Variants in MAMDC4 observed in about 807,000 individuals in gnomAD.
MAMDC4 encodes the protein apical endosomal glycoprotein.
A neutral mutation model predicts 153.3 loss-of-function variants in MAMDC4; 168 were observed. The observed-to-expected ratio is 1.10, with a 90% confidence interval of 0.97 to 1.25. MAMDC4 has a LOEUF of 1.25. Among genes scored for constraint, MAMDC4 ranks in the 50% most tolerant of loss-of-function variants. The pLI is 0.00. For synonymous variants in MAMDC4, 744 were observed against 651.5 expected (o/e 1.14, Z -2.16); for missense variants, 1,701 against 1,542.8 (o/e 1.10, Z -1.72).
chr9:136,858,967 A>G, intron 23 of MAMDC4, 38 bp from the exon 24 acceptor site: 1 of 1,510,006 alleles, frequency 6.6e-7, no homozygotes, highest in Non-Finnish European at 8.9e-7. Flanking sequence ...CAGGAGCCCC[A>G]GGACCCCAGG....
Position 136,853,992 on chromosome 9 carries a change from G to T in MAMDC4, c.586G>T (p.Val196Leu). Reference sequence around the variant, plus strand: ...GGTCCTAAGAGCCTGTTCTCTTCAGGTGACCTTCTCTGCCACCCGAAATGC... The same window carrying T: ...GGTCCTAAGAGCCTGTTCTCTTCAGTTGACCTTCTCTGCCACCCGAAATGC... ...TTGRIRGDFRVTFSATRNATH... is the reference protein window; with the variant it reads ...TTGRIRGDFRLTFSATRNATH... Residue 196 changes from valine to leucine, a missense_variant and splice_region_variant, in exon 6 of 27, where the codon GTG becomes TTG. Coordinates refer to ENST00000317446, the MANE Select transcript of MAMDC4 (RefSeq NM_206920.3). The T allele has an allele frequency of 6.2e-7, 1 of 1,612,932 alleles. No individual in the cohort carries two copies.
In MAMDC4 at chr9:136,854,689, G is replaced by GAGGACCCGGCCCAGGCCCTGCCCACGC; in HGVS notation, c.934+16_934+42dup. 1 of 1,611,296 alleles carries GAGGACCCGGCCCAGGCCCTGCCCACGC rather than the reference G, an allele frequency of 6.2e-7. No homozygotes were observed. ...AACAGTGCACAGGGTGAGGCCCACA[G>GAGGACCCGGCCCAGGCCCTGCCCACGC]AGGACCCGGCCCAGGCCCTGCCCAC... On this transcript the variant is annotated intron_variant, in intron 8 of 26. Transcript: ENST00000317446.
rs1849000938 is a variant in MAMDC4, at chr9:136,856,134, C to T, written c.1705C>T (p.Gln569Ter). The T allele has an allele frequency of 1.2e-6, 2 of 1,612,300 alleles. No individual in the cohort carries two copies. The change falls in exon 14 of 27, where the codon CAG becomes TAG. Residue 569 changes from glutamine to a stop codon, truncating the protein, a stop_gained. Transcript: ENST00000317446. LOFTEE classifies it high-confidence loss of function. ...TGAACTCCACCTGGCTTATTATTTA[C>T]AGAGCCAGCCCCGAGGTACCGCCAC... Reference protein sequence around the residue: ...SCELHLAYYLQSQPREVSCNF... With the variant: ...SCELHLAYYL
chr9:136,855,907 G>A (rs1848997731), intron 13 of MAMDC4, 59 bp downstream of exon 13: 2 of 1,494,684 alleles, frequency 1.3e-6, no homozygotes, highest in East Asian at 2.4e-5. Flanking sequence ...GTCCTCAGAG[G>A]GGTCTCTGCT....
At chr9:136,858,336 C>T (rs915501645) in intron 21 of MAMDC4, 60 bp downstream of exon 21, 16 of 1,600,028 alleles carry the variant, frequency 1.0e-5, no homozygotes, top group South Asian at 4.4e-5. Flanking sequence ...CCTTTCCCTT[C>T]GTAGTCGTGG....
chr9:136,855,468 G>C lies in MAMDC4; in HGVS notation c.1320G>C (p.Arg440=). The C allele has an allele frequency of 6.2e-7, 1 of 1,608,010 alleles. No individual in the cohort carries two copies. Among genetic ancestry groups the C allele is most frequent in the Non-Finnish European group, 8.5e-7 (1 of 1,177,832 alleles). Reference sequence around the variant, plus strand: ...TGCAGCCGCTGCCTCCTGGGCCCCGGGCCCCAGCCCCCCAGCCCCTGCCGC... The same window carrying C: ...TGCAGCCGCTGCCTCCTGGGCCCCGCGCCCCAGCCCCCCAGCCCCTGCCGC... ...STLQPLPPGP[R]APAPQPLPPS... Residue 440 remains arginine (R), a synonymous_variant, in exon 12 of 27, where the codon CGG becomes CGC. Coordinates refer to ENST00000317446, the MANE Select transcript of MAMDC4 (RefSeq NM_206920.3).
chr9:136,859,709 G>A, intron 25 of MAMDC4, 177 bp from the exon 26 acceptor site: 1 of 649,340 alleles, frequency 1.5e-6, no homozygotes, highest in Non-Finnish European at 2.6e-6. Context: ...GCAGACAGCA[G>A]CTGCCTGTCT....
intron 8 of MAMDC4, 38 bp downstream of exon 8, chr9:136,854,714 C>T (rs1018361678): frequency 1.9e-6 from 3 of 1,612,144 alleles, no homozygotes; most frequent in African/African-American, 1.3e-5. Context: ...GCCCTGCCCA[C>T]GCAGCCACAG....
intron 1 of MAMDC4, 88 bp from the exon 2 acceptor site, chr9:136,853,014 G>A (rs1276116526): frequency 1.8e-6 from 2 of 1,109,512 alleles, no homozygotes; most frequent in East Asian, 2.5e-5. Flanking sequence ...GACAAAAGAT[G>A]TCCAGTGCTA....
Position 136,858,478 on chromosome 9 carries a change from G to A in MAMDC4, c.2753G>A (p.Trp918Ter). Residue 918 changes from tryptophan (W) to a stop codon, truncating the protein, a stop_gained, in exon 22 of 27, where the codon TGG becomes TAG. Coordinates refer to ENST00000317446, the MANE Select transcript of MAMDC4 (RefSeq NM_206920.3). LOFTEE classifies it high-confidence loss of function. ...GGCCTGGGCGGATACAGCTGGGACT[G>A]GGGCGGGGGAGCCACCCCCTCTCGT... ...WPGLGGYSWDWGGGATPSRYP... is the reference protein window; with the variant it reads ...WPGLGGYSWD 6.2e-7 allele frequency: 1 copy of A among 1,608,858 alleles called. No homozygotes were observed. The highest frequency in any genetic ancestry group is 8.5e-7 in the Non-Finnish European group (1 of 1,179,236).
chr9:136,858,794 C>T lies in MAMDC4; in HGVS notation c.2897C>T (p.Pro966Leu), dbSNP rs116894068. 1.5e-3 allele frequency: 2,412 copies of T among 1,610,582 alleles called. 53 individuals carry two copies. In the East Asian group the frequency reaches 0.044, roughly 29 times the overall value. ...GCCTGGCTGCGCAGCGAGCCTCTGC[C>T]GGCCACCCCAGCCTCCTGCCTCCGC... ...RAAWLRSEPL[P>L]ATPASCLRFW... The change falls in exon 23 of 27, where the codon CCG (proline) becomes CTG (leucine). Residue 966 changes from proline (P) to leucine (L), a missense_variant. Pro to Leu is a moderately conservative substitution (Grantham distance 98, BLOSUM62 -3). Coordinates refer to ENST00000317446, the MANE Select transcript of MAMDC4 (RefSeq NM_206920.3).
At position 136,857,406 on chromosome 9, in the gene MAMDC4, A is replaced by G; in HGVS notation, c.2146A>G (p.Met716Val). The stretch of plus-strand genomic sequence containing the variant: ...CCTCCGGGACGGATACCACGGCACC[A>G]TGGCGCTGGACGATGTGGCCGTGCG... Reference protein sequence around the residue: ...EGLRDGYHGTMALDDVAVRPG... With the variant: ...EGLRDGYHGTVALDDVAVRPG... Residue 716 changes from methionine (M) to valine (V), a missense_variant, in exon 18 of 27, where the codon ATG becomes GTG. By Grantham distance (21) the Met-to-Val change is conservative. Transcript: ENST00000317446. 6.2e-7 allele frequency: 1 copy of G among 1,608,164 alleles called. No homozygotes were observed.
At chr9:136,856,864 G>A (rs370473173) in intron 15 of MAMDC4, 38 bp downstream of exon 15, 17 of 1,612,314 alleles carry the variant, frequency 1.1e-5, no homozygotes, top group African/African-American at 2.7e-5. Context: ...GCTTTCAGAC[G>A]AGAGTGGGGC....
chr9:136,858,404 C>G lies in MAMDC4; in HGVS notation c.2679C>G (p.Ser893=). ...LQDGPCPQPG[S]CDFESGLCGW... ...TCACCCACCCATGTCCTGCAGGTTC[C>G]TGTGATTTTGAGTCTGGCCTGTGTG... Residue 893 remains serine, a synonymous_variant, in exon 22 of 27, where the codon TCC becomes TCG. Transcript: ENST00000317446. 6.2e-7 allele frequency: 1 copy of G among 1,602,656 alleles called. No individual in the cohort carries two copies. The highest frequency in any genetic ancestry group is 8.5e-7 in the Non-Finnish European group (1 of 1,179,838).
Position 136,854,808 on chromosome 9 carries a change from C to CT in MAMDC4, c.982dup (p.Ser328PhefsTer25). The stretch of plus-strand genomic sequence containing the variant: ...CCGAGCCTGGCACCCCTGCTATACT[C>CT]TCCAGCCCCGAATTCCAAGCCTCAG... On this transcript the variant is annotated frameshift_variant, in exon 9 of 27. Coordinates refer to ENST00000317446, the MANE Select transcript of MAMDC4 (RefSeq NM_206920.3). LOFTEE classifies it high-confidence loss of function. 1.9e-6 allele frequency: 3 copies of CT among 1,612,876 alleles called. No individual in the cohort carries two copies. In the South Asian group the frequency reaches 3.3e-5, roughly 18 times the overall value.
At position 136,853,351 on chromosome 9, in the gene MAMDC4, G is replaced by A; in HGVS notation, c.221G>A (p.Gly74Asp). The A allele has an allele frequency of 6.2e-7, 1 of 1,607,300 alleles. No individual in the cohort carries two copies. Among genetic ancestry groups the A allele is most frequent in the Non-Finnish European group, 8.5e-7 (1 of 1,175,820 alleles). Residue 74 changes from glycine (G) to aspartate (D), a missense_variant, in exon 3 of 27, where the codon GGC becomes GAC. By Grantham distance (94) the Gly-to-Asp change is moderately conservative. Transcript: ENST00000317446. The part of the protein sequence containing the change: ...FACDFEQDPC[G>D]WRDISTSGYS... ...TGTGACTTCGAGCAGGACCCCTGCG[G>A]CTGGCGGGACATTAGTACCTCAGGC...
rs1404362104 is a variant in MAMDC4, at chr9:136,855,599, G to T, written c.1451G>T (p.Gly484Val). 3 of 1,583,706 alleles carry T rather than the reference G, an allele frequency of 1.9e-6. No individual in the cohort carries two copies. The highest frequency in any genetic ancestry group is 2.3e-5 in the South Asian group (2 of 87,168). The change falls in exon 12 of 27, where the codon GGC becomes GTC. Residue 484 changes from glycine (G) to valine (V), a missense_variant. Physicochemically the swap from Gly to Val is moderately radical, Grantham distance 109. Coordinates refer to ENST00000317446, the MANE Select transcript of MAMDC4 (RefSeq NM_206920.3). Reference protein sequence around the residue: ...LCDFEEQCAGGEDEQACGTTD... With the variant: ...LCDFEEQCAGVEDEQACGTTD... ...GACTTCGAGGAGCAGTGCGCAGGGG[G>T]CGAGGACGAGCAGGCCTGTGGTAAA...
Position 136,859,920 on chromosome 9 carries a change from G to T in MAMDC4, c.3228G>T (p.Val1076=). Residue 1076 remains valine (V), a synonymous_variant, in exon 26 of 27, where the codon GTG becomes GTT. Transcript: ENST00000317446. The stretch of plus-strand genomic sequence containing the variant: ...CCGCACCCGGGTCTGTGCCAGCTGT[G>T]GTTGGCAGTGCCCTCCTATTGCTCA... ...NTAAPGSVPA[V]VGSALLLLML... 6.2e-7 allele frequency: 1 copy of T among 1,612,566 alleles called. No homozygotes were observed. Among genetic ancestry groups the T allele is most frequent in the Non-Finnish European group, 8.5e-7 (1 of 1,179,954 alleles).
At chr9:136,860,120 G>C in intron 26 of MAMDC4, 56 bp downstream of exon 26, 1 of 1,484,266 alleles carries the variant, frequency 6.7e-7, no homozygotes, top group South Asian at 1.4e-5. Context: ...TGTGACGCTG[G>C]AGGGCGGGCA....
Sources: gnomAD v4.1 joint callset for allele counts on GRCh38, gnomAD v4.1.1 for gene constraint, MANE v1.5 for transcripts, NCBI Gene and HGNC (gene_info 2026-07-23, HGNC 2026-07-21) for gene names.